Variants in CHD8 observed in about 807,000 individuals in gnomAD.
The protein encoded by CHD8 is ATP-dependent chromatin remodeler CHD8.
Under a neutral mutation model 279.2 loss-of-function variants are expected in CHD8, and 31 were observed. That is an observed-to-expected ratio of 0.11 (90% CI 0.08 to 0.15). The LOEUF is 0.15. Ranked by LOEUF, CHD8 falls within the 10% of genes least tolerant of loss-of-function variation. CHD8 has a pLI of 1.00. For missense variants in CHD8, 2,146 were observed against 3,230.5 expected (o/e 0.66, Z 8.14); for synonymous variants, 1,081 against 1,139.6 (o/e 0.95, Z 1.04).
In CHD8 at chr14:21,415,706, A is replaced by AT. The variant is rs754087467; in HGVS notation, c.1899+18dup. 2 of 1,613,334 alleles carry AT rather than the reference A, an allele frequency of 1.2e-6. No individual in the cohort carries two copies. The highest frequency in any genetic ancestry group is 1.7e-6 in the Non-Finnish European group (2 of 1,179,604). ...ACCAGCAAGGCAATCCTCTGAAATC[A>AT]TTTGAGTTTACAGCTTACCACAAAG... On this transcript the variant is annotated intron_variant, in intron 6 of 37. Transcript: ENST00000646647.
intron 1 of CHD8, among the ~76,000 whole-genome samples, chr14:21,441,838 A>C (rs541102364): frequency 6.6e-6 from 1 of 151,368 alleles, no homozygotes; most frequent in Non-Finnish European, 1.5e-5. Flanking sequence ...GCAGTGAGCC[A>C]AGATTGCGCC....
chr14:21,429,780 C>T (rs1297370662), intron 2 of CHD8: 1 of 272,246 alleles, frequency 3.7e-6, no homozygotes, highest in Non-Finnish European at 7.4e-6. Context: ...GTAGCTGGTA[C>T]TATAGGTGCA....
At chr14:21,434,045 T>C (rs969536717) in intron 1 of CHD8, among the ~76,000 whole-genome samples, 2 of 128,676 alleles carry the variant, frequency 1.6e-5, no homozygotes, top group Non-Finnish European at 3.3e-5. Flanking sequence ...GTTTCTTTTT[T>C]TTTTTTTTTT....
intron 1 of CHD8, among the ~76,000 whole-genome samples, chr14:21,453,241 A>G (rs546797349): frequency 6.6e-6 from 1 of 151,944 alleles, no homozygotes; most frequent in South Asian, 2.1e-4. Flanking sequence ...AATTTTCACG[A>G]GGTCAGGAGT....
intron 1 of CHD8, among the ~76,000 whole-genome samples, chr14:21,444,671 C>T (rs1890068746): frequency 6.6e-6 from 1 of 151,992 alleles, no homozygotes; most frequent in Admixed American, 6.6e-5. Flanking sequence ...CCACACTTTT[C>T]AAGTTTTCCT....
rs187281700 is a variant in CHD8 at position 21,409,455 on chromosome 14, T to C, written c.2364+396A>G. Among the ~76,000 whole-genome samples the C allele has an allele frequency of 9.2e-5, 14 of 152,320 alleles. 1 individual carries two copies. The highest frequency in any genetic ancestry group is 3.4e-3 in the Middle Eastern group (1 of 294). On this transcript the variant is annotated intron_variant, in intron 11 of 37. Transcript: ENST00000646647. Reference sequence around the variant, plus strand: ...CTTACTGAGAACCAAATTTAAATGATTTAACAAAAATTAGAAGACAATCAG... The same window carrying C: ...CTTACTGAGAACCAAATTTAAATGACTTAACAAAAATTAGAAGACAATCAG...
Position 21,386,012 on chromosome 14 carries a change from G to C in CHD8, c.7347C>G (p.His2449Gln). Residue 2449 changes from histidine (H) to glutamine (Q), a missense_variant, in exon 38 of 38, where the codon CAC becomes CAG. Physicochemically the swap from His to Gln is conservative, Grantham distance 24. This residue lies in a region of CHD8 where 336 missense variants were observed against 392.9 expected (regional missense o/e 0.86). Coordinates refer to ENST00000646647, the MANE Select transcript of CHD8 (RefSeq NM_001170629.2). ...ACACAGACTGTAGGCCACTACTGCTGTGTTGGAACGTGTTATGCAGAGATA... is the reference window on the plus strand; with the variant it reads ...ACACAGACTGTAGGCCACTACTGCTCTGTTGGAACGTGTTATGCAGAGATA... ...GSLSLHNTFQ[H>Q]SSSGLQSVSS... 6.3e-7 allele frequency: 1 copy of C among 1,592,832 alleles called. No homozygotes were observed. Among genetic ancestry groups the C allele is most frequent in the Non-Finnish European group, 8.6e-7 (1 of 1,169,252 alleles).
Position 21,394,605 on chromosome 14 carries a change from C to CAAAAAAAAAAAAAAAAAAAAAAAAAAAA in CHD8, c.5391-121_5391-120insTTTTTTTTTTTTTTTTTTTTTTTTTTTT, listed in dbSNP as rs3068337. The stretch of plus-strand genomic sequence containing the variant: ...AAAACACAAAAATTGAAAGTAGACG[C>CAAAAAAAAAAAAAAAAAAAAAAAAAAAA]AAAAAAAAAAAAAAAAAAAGGCCCA... On this transcript the variant is annotated intron_variant, in intron 30 of 37. Transcript: ENST00000646647. 1.9e-5 allele frequency: 2 copies of CAAAAAAAAAAAAAAAAAAAAAAAAAAAA among 103,740 alleles called. 1 individual carries two copies. Among genetic ancestry groups the CAAAAAAAAAAAAAAAAAAAAAAAAAAAA allele is most frequent in the Non-Finnish European group, 3.3e-5 (2 of 61,198 alleles). The allele number at this position is 103,740 out of a possible 1,614,324, so 6.4% of individuals were successfully genotyped here. A position where few individuals can be genotyped will look rare whatever the true frequency, so the allele number is the denominator to read the frequency against.
intron 1 of CHD8, among the ~76,000 whole-genome samples, chr14:21,449,492 G>A (rs1339679917): frequency 6.6e-6 from 1 of 152,160 alleles, no homozygotes; most frequent in African/African-American, 2.4e-5. Flanking sequence ...GATCTGTTAG[G>A]CAGAATGGAG....
rs993853333 is a variant in CHD8, at chr14:21,385,373, T to C, written c.*240A>G. On this transcript the variant is annotated 3_prime_UTR_variant, in exon 38 of 38. Coordinates refer to ENST00000646647, the MANE Select transcript of CHD8 (RefSeq NM_001170629.2). The stretch of plus-strand genomic sequence containing the variant: ...GGGGTGAGCACACCAGCTGCTCTAG[T>C]CTCCTTTCCTTCCCCAGAAATGAGG... 1.7e-6 allele frequency: 1 copy of C among 596,318 alleles called. No homozygotes were observed. Among genetic ancestry groups the C allele is most frequent in the Non-Finnish European group, 2.8e-6 (1 of 357,542 alleles). The allele number at this position is 596,318 out of a possible 1,614,324, so 36.9% of individuals were successfully genotyped here.
chr14:21,403,294 A>ACT lies in CHD8; in HGVS notation c.3519-84_3519-83dup. ...ACAGCAGGCTAGGATCAATACCAGT[A>ACT]CTCCCATATCAAAGCTGGTCAAAAA... On this transcript the variant is annotated intron_variant, in intron 17 of 37. Transcript: ENST00000646647. This position sits in a 1 kb window ranked among gnomAD's most constrained non-coding sequence, Gnocchi z 4.3. 1 of 1,392,500 alleles carries ACT rather than the reference A, an allele frequency of 7.2e-7. No individual in the cohort carries two copies. The highest frequency in any genetic ancestry group is 2.1e-5 in the Admixed American group (1 of 48,626). 86.3% of individuals were successfully genotyped at this position (1,392,500 alleles called of 1,614,324 possible).
In CHD8 at chr14:21,407,010, T is replaced by C; in HGVS notation, c.2753A>G (p.Tyr918Cys). 1.9e-6 allele frequency: 3 copies of C among 1,591,212 alleles called. No homozygotes were observed. Among genetic ancestry groups the C allele is most frequent in the East Asian group, 2.3e-5 (1 of 44,024 alleles). Residue 918 changes from tyrosine to cysteine, a missense_variant, in exon 14 of 38, where the codon TAC becomes TGC. By Grantham distance (194) the Tyr-to-Cys change is radical. This residue lies in a region of CHD8 where 211 missense variants were observed against 464.7 expected (regional missense o/e 0.45). Coordinates refer to ENST00000646647, the MANE Select transcript of CHD8 (RefSeq NM_001170629.2). ...DSRGRLIPGAYKFDALITTFE... is the reference protein window; with the variant it reads ...DSRGRLIPGACKFDALITTFE... ...AGTGGTGATCAGAGCGTCAAACTTG[T>C]ATGCGCCTGGGATGAGGCGTCCCTA...
At position 21,401,388 on chromosome 14, in the gene CHD8, AAAG is replaced by A. The variant is rs760245802; in HGVS notation, c.4173+12_4173+14del. ...GGTCTTCTGCGATACTTCCTCCCTA[AAAG>A]AAGAAACTCACCTTGCTGTTGAGCA... On this transcript the variant is annotated intron_variant, in intron 21 of 37. Transcript: ENST00000646647. 11 of 1,506,796 alleles carry A rather than the reference AAAG, an allele frequency of 7.3e-6. No homozygotes were observed. The East Asian group carries it at 2.3e-4, about 32-fold the overall frequency. 93.3% of individuals were successfully genotyped at this position (1,506,796 alleles called of 1,614,324 possible).
In CHD8 at chr14:21,401,003, A is replaced by G. The variant is rs1345500802; in HGVS notation, c.4242T>C (p.Asp1414=). 3 of 1,613,842 alleles carry G rather than the reference A, an allele frequency of 1.9e-6. No individual in the cohort carries two copies. Among genetic ancestry groups the G allele is most frequent in the East Asian group, 4.5e-5 (2 of 44,886 alleles). The change falls in exon 22 of 38, where the codon GAT becomes GAC. Residue 1414 remains aspartate, a synonymous_variant. Transcript: ENST00000646647. ...QTRHFSTLKD[D]DLVEFSDLES... is the part of the protein sequence containing the mutation. ...CCAAATCAGAGAATTCCACCAGGTC[A>G]TCATCTTTCAGAGTGCTAAAGTGGC...
intron 27 of CHD8, chr14:21,396,829 C>T (rs1428095368): frequency 6.6e-6 from 1 of 152,420 alleles, no homozygotes; most frequent in Non-Finnish European, 1.5e-5. Context: ...CCCACTGTGG[C>T]CTCCCAAAGG....
At position 21,403,126 on chromosome 14, in the gene CHD8, C is replaced by T; in HGVS notation, c.3605G>A (p.Arg1202His). The T allele has an allele frequency of 1.9e-6, 3 of 1,614,000 alleles. No individual in the cohort carries two copies. Among genetic ancestry groups the T allele is most frequent in the Non-Finnish European group, 2.5e-6 (3 of 1,179,886 alleles). ...CCGGGTACACAGTAAGAAGACAAAG[C>T]GGTCTGAGTCAGGCTTGCTGAAGCG... Reference protein sequence around the residue: ...IDRFSKPDSDRFVFLLCTRAG... With the variant: ...IDRFSKPDSDHFVFLLCTRAG... The change falls in exon 18 of 38, where the codon CGC (arginine) becomes CAC (histidine). Residue 1202 changes from arginine to histidine, a missense_variant. Transcript: ENST00000646647. This position sits in a 1 kb window ranked among gnomAD's most constrained non-coding sequence, Gnocchi z 4.3.
At position 21,397,804 on chromosome 14, in the gene CHD8, A is replaced by T. The variant is rs138127807; in HGVS notation, c.5051+19T>A. On this transcript the variant is annotated intron_variant, in intron 27 of 37. Coordinates refer to ENST00000646647, the MANE Select transcript of CHD8 (RefSeq NM_001170629.2). ...ACGGCACAAGTTAGAGTTTTAAAAG[A>T]ACAAATACTAATGCTTACCCTTCTA... 1.0e-4 allele frequency: 168 copies of T among 1,611,354 alleles called. No homozygotes were observed. The African/African-American group carries it at 2.0e-3, about 19-fold the overall frequency.
chr14:21,446,053 G>T (rs532242841), intron 1 of CHD8, among the ~76,000 whole-genome samples: 1 of 152,016 alleles, frequency 6.6e-6, no homozygotes, highest in African/African-American at 2.4e-5. Context: ...TTAGCCAGGT[G>T]CGGTGGCAGG....
intron 1 of CHD8, chr14:21,437,072 G>GGGA: frequency 1.4e-6 from 1 of 729,644 alleles, no homozygotes; most frequent in Non-Finnish European, 2.1e-6. Flanking sequence ...GGGGGGTGGG[G>GGGA]GGTGTGGATG....
Sources: allele counts gnomAD v4.1 joint callset (sites outside exome capture counted in the v4.1 genomes callset), GRCh38; gene constraint gnomAD v4.1.1; regional missense constraint gnomAD v4.1.1; non-coding constraint Gnocchi (gnomAD v3.1); transcripts MANE v1.5; gene names NCBI Gene and HGNC (gene_info 2026-07-23, HGNC 2026-07-21).